NFAT5: variants seen among roughly 807,000 people sequenced by gnomAD.
NFAT5 encodes the protein nuclear factor of activated T cells 5.
NFAT5 carries 31 observed loss-of-function variants against 166.5 expected under a neutral mutation model. That is an observed-to-expected ratio of 0.19 (90% CI 0.14 to 0.25). The LOEUF is 0.25. Among genes scored for constraint, NFAT5 ranks in the 10% least tolerant of loss-of-function variants. The pLI is 1.00. For missense variants in NFAT5, 1,449 were observed against 1,821.8 expected (o/e 0.80, Z 3.72); for synonymous variants, 612 against 639.7 (o/e 0.96, Z 0.65).
At chr16:69,685,560 A>G (rs905239880) in intron 11 of NFAT5, 1 of 152,300 alleles carries the variant, frequency 6.6e-6, no homozygotes, top group Admixed American at 6.6e-5. Flanking sequence ...AAAAAAAAAA[A>G]AGTGAAATAA....
At chr16:69,636,494 C>T (rs1321285669) in intron 3 of NFAT5, among the ~76,000 whole-genome samples, 1 of 152,204 alleles carries the variant, frequency 6.6e-6, no homozygotes, top group Non-Finnish European at 1.5e-5. Flanking sequence ...GTGAGGGCCC[C>T]ACCCCTGCAG....
At chr16:69,613,292 A>G (rs1444569913) in intron 2 of NFAT5, among the ~76,000 whole-genome samples, 2 of 152,158 alleles carry the variant, frequency 1.3e-5, no homozygotes, top group African/African-American at 4.8e-5. Context: ...AAACCTTCTT[A>G]CTCATCGCCA....
chr16:69,616,515 A>G (rs1358474387), intron 2 of NFAT5, among the ~76,000 whole-genome samples: 1 of 151,564 alleles, frequency 6.6e-6, no homozygotes, highest in African/African-American at 2.4e-5. Context: ...TAGGCTGTCC[A>G]TCCATATGGA....
rs1037349550 is a variant in NFAT5 at position 69,701,878 on chromosome 16, G to A, written c.*5527G>A. ...CAGTTAATTTACCTAGACAAAAAGTGTCAAAGGAAATGAGAAAAAGGTTAT... is the reference window on the plus strand; with the variant it reads ...CAGTTAATTTACCTAGACAAAAAGTATCAAAGGAAATGAGAAAAAGGTTAT... On this transcript the variant is annotated 3_prime_UTR_variant, in exon 15 of 15. Coordinates refer to ENST00000349945, the MANE Select transcript of NFAT5 (RefSeq NM_138713.4). 2 of 152,172 alleles carry A rather than the reference G, an allele frequency of 1.3e-5. No individual in the cohort carries two copies. The highest frequency in any genetic ancestry group is 4.8e-5 in the African/African-American group (2 of 41,430). 9.4% of individuals were successfully genotyped at this position (152,172 alleles called of 1,614,324 possible).
chr16:69,648,829 G>A, intron 4 of NFAT5: 1 of 942,752 alleles, frequency 1.1e-6, no homozygotes, highest in Non-Finnish European at 1.3e-6. Context: ...ATCTTTTTTT[G>A]GTTAAAAATT....
intron 2 of NFAT5, among the ~76,000 whole-genome samples, chr16:69,585,208 A>G (rs1336855740): frequency 6.6e-6 from 1 of 151,650 alleles, no homozygotes; most frequent in Non-Finnish European, 1.5e-5. Flanking sequence ...ATGGGGTTTC[A>G]CCATGTTGGC....
chr16:69,655,541 A>G, intron 5 of NFAT5, 68 bp from the exon 6 acceptor site: 3 of 1,273,288 alleles, frequency 2.4e-6, no homozygotes, highest in South Asian at 2.0e-5. Flanking sequence ...GGTCTTAAAT[A>G]TTTGATTTTA....
chr16:69,651,967 A>G (rs1183550167), intron 4 of NFAT5, among the ~76,000 whole-genome samples: 1 of 152,006 alleles, frequency 6.6e-6, no homozygotes, highest in Non-Finnish European at 1.5e-5. Context: ...ACACCACACC[A>G]TTGCTCAAAA....
At chr16:69,623,328 T>C (rs547823612) in intron 2 of NFAT5, among the ~76,000 whole-genome samples, 1 of 146,884 alleles carries the variant, frequency 6.8e-6, no homozygotes, top group East Asian at 1.9e-4. Flanking sequence ...AGTAATTTGC[T>C]AAAGGCTTTT....
intron 12 of NFAT5, among the ~76,000 whole-genome samples, 153 bp downstream of exon 12, chr16:69,691,241 AG>A (rs2037533574): frequency 6.6e-6 from 1 of 152,212 alleles, no homozygotes; most frequent in Admixed American, 6.5e-5. Context: ...TTGCCCACAT[AG>A]TGACTTCCAA....
chr16:69,669,093 C>A (rs904340977), intron 7 of NFAT5, among the ~76,000 whole-genome samples: 4 of 152,098 alleles, frequency 2.6e-5, no homozygotes, highest in Non-Finnish European at 5.9e-5. Context: ...GACAAGGTCT[C>A]ACTATTGCCC....
At chr16:69,575,687 CTG>C (rs1418920681) in intron 2 of NFAT5, among the ~76,000 whole-genome samples, 46 of 151,170 alleles carry the variant, frequency 3.0e-4, no homozygotes, top group African/African-American at 1.0e-3. Flanking sequence ...ATAAAAAAAA[CTG>C]TACCTGAGGC....
intron 1 of NFAT5, among the ~76,000 whole-genome samples, chr16:69,567,462 T>G (rs1435276183): frequency 2.6e-5 from 4 of 152,120 alleles, no homozygotes; most frequent in Admixed American, 2.0e-4. Context: ...ACTATTCATT[T>G]CACCGTGTAA....
chr16:69,579,708 C>G (rs2031542813), intron 2 of NFAT5, among the ~76,000 whole-genome samples: 1 of 152,100 alleles, frequency 6.6e-6, no homozygotes, highest in African/African-American at 2.4e-5. Flanking sequence ...CACAGAAGTG[C>G]TATTTTTAGA....
rs2037941629 is a variant in NFAT5 at position 69,704,011 on chromosome 16, C to T, written c.*7660C>T. 4 of 152,368 alleles carry T rather than the reference C, an allele frequency of 2.6e-5. No individual in the cohort carries two copies. The highest frequency in any genetic ancestry group is 1.9e-4 in the East Asian group (1 of 5,186). 9.4% of individuals were successfully genotyped at this position (152,368 alleles called of 1,614,324 possible). ...CTGATGAACCTCAGGACAACGTCTA[C>T]ACACACACACATACATACACGCACA... is the stretch of plus-strand genomic sequence containing the variant. On this transcript the variant is annotated 3_prime_UTR_variant, in exon 15 of 15. Transcript: ENST00000349945.
Position 69,692,951 on chromosome 16 carries a change from T to G in NFAT5, c.3126T>G (p.Phe1042Leu). The G allele has an allele frequency of 6.2e-7, 1 of 1,614,172 alleles. No homozygotes were observed. The highest frequency in any genetic ancestry group is 8.5e-7 in the Non-Finnish European group (1 of 1,180,028). The change falls in exon 13 of 15, where the codon TTT (phenylalanine) becomes TTG (leucine). Residue 1042 changes from phenylalanine to leucine, a missense_variant. This residue lies in a region of NFAT5 where 891 missense variants were observed against 993.0 expected (regional missense o/e 0.90). Transcript: ENST00000349945. ...ACAATCAACCTCAAGTTAACCTTTTTTCATCCACAAAAAGTATGATGAGTG... is the reference window on the plus strand; with the variant it reads ...ACAATCAACCTCAAGTTAACCTTTTGTCATCCACAAAAAGTATGATGAGTG... ...SGDNQPQVNLFSSTKSMMSVQ... is the reference protein window; with the variant it reads ...SGDNQPQVNLLSSTKSMMSVQ...
intron 2 of NFAT5, among the ~76,000 whole-genome samples, chr16:69,617,075 C>G (rs1404355640): frequency 2.0e-5 from 3 of 151,774 alleles, no homozygotes; most frequent in East Asian, 3.9e-4. Flanking sequence ...TCCCGAGTAG[C>G]TGGGACAACA....
At chr16:69,632,877 C>G (rs1309220858) in intron 3 of NFAT5, among the ~76,000 whole-genome samples, 4 of 152,092 alleles carry the variant, frequency 2.6e-5, no homozygotes, top group Admixed American at 6.6e-5. Flanking sequence ...TAGACCATTT[C>G]TAGAAGGAAG....
chr16:69,667,132 T>C (rs1003718825), intron 7 of NFAT5, among the ~76,000 whole-genome samples: 2 of 126,582 alleles, frequency 1.6e-5, no homozygotes, highest in Admixed American at 1.1e-4. Flanking sequence ...TGAGAACACA[T>C]GGACACAGGA....
Sources: gnomAD v4.1 joint callset for allele counts (sites outside exome capture counted in the v4.1 genomes callset) on GRCh38, gnomAD v4.1.1 for gene constraint, gnomAD v4.1.1 regional missense constraint, MANE v1.5 for transcripts, NCBI Gene and HGNC (gene_info 2026-07-23, HGNC 2026-07-21) for gene names.